Variants in RARB observed in about 807,000 individuals in gnomAD.
RARB encodes HBV-activated protein.
In RARB, 17 loss-of-function variants were observed where a neutral mutation model predicts 51.9. The ratio of observed to expected loss-of-function variants is 0.33; its 90% CI spans 0.22 to 0.49. The LOEUF (loss-of-function observed/expected upper bound fraction) is 0.49. Among genes scored for constraint, RARB ranks in the 20% least tolerant of loss-of-function variants. RARB has a pLI of 0.99. For synonymous variants in RARB, 215 were observed against 195.4 expected (o/e 1.10, Z -0.84); for missense variants, 369 against 550.8 (o/e 0.67, Z 3.30).
At chr3:25,109,752 GCTT>G (rs1341618566) in intron 3 of RARB, among the ~76,000 whole-genome samples, 2 of 152,116 alleles carry the variant, frequency 1.3e-5, no homozygotes, top group Non-Finnish European at 2.9e-5. Context: ...CGTCAGCCAT[GCTT>G]CTTCATTCAG....
intron 2 of RARB, among the ~76,000 whole-genome samples, chr3:24,886,845 T>C (rs1300259664): frequency 6.6e-6 from 1 of 152,214 alleles, no homozygotes; most frequent in Non-Finnish European, 1.5e-5. Flanking sequence ...GGATTCATTT[T>C]AGGTTGCTTT....
intron 5 of RARB, among the ~76,000 whole-genome samples, chr3:25,175,615 A>G (rs1700727684): frequency 6.6e-6 from 1 of 152,204 alleles, no homozygotes; most frequent in African/African-American, 2.4e-5. Flanking sequence ...GCCTTCAAAA[A>G]TAGTAGGGGA....
intron 5 of RARB, among the ~76,000 whole-genome samples, chr3:25,588,306 A>G (rs1348462553): frequency 6.6e-6 from 1 of 152,234 alleles, no homozygotes; most frequent in African/African-American, 2.4e-5. Context: ...AGAACTTGCA[A>G]AACTAACTTG....
At chr3:25,109,801 C>G (rs968507207) in intron 3 of RARB, among the ~76,000 whole-genome samples, 1 of 152,112 alleles carries the variant, frequency 6.6e-6, no homozygotes, top group Non-Finnish European at 1.5e-5. Context: ...GCAGTTGATT[C>G]CAAGTTAGAA....
At chr3:25,135,840 G>A (rs964955303) in intron 4 of RARB, among the ~76,000 whole-genome samples, 1 of 151,806 alleles carries the variant, frequency 6.6e-6, no homozygotes. Context: ...GCTCAACTTA[G>A]GGCAAACTCC....
At chr3:24,967,070 T>C (rs988355595) in intron 2 of RARB, among the ~76,000 whole-genome samples, 5 of 152,192 alleles carry the variant, frequency 3.3e-5, no homozygotes, top group African/African-American at 9.6e-5. Context: ...TAGATACATA[T>C]ACTTCGAAAG....
chr3:25,422,146 C>T (rs1707880430), intron 5 of RARB, among the ~76,000 whole-genome samples: 1 of 152,174 alleles, frequency 6.6e-6, no homozygotes. Flanking sequence ...TCTGTTCATA[C>T]ATATGATCTC....
At chr3:24,932,364 G>C (rs1398474502) in intron 2 of RARB, among the ~76,000 whole-genome samples, 1 of 152,054 alleles carries the variant, frequency 6.6e-6, no homozygotes, top group South Asian at 2.1e-4. Context: ...TGATATGAAT[G>C]GTGTCCCTTA....
intron 3 of RARB, among the ~76,000 whole-genome samples, chr3:25,561,697 T>A (rs916461247): frequency 1.3e-5 from 2 of 152,192 alleles, no homozygotes; most frequent in African/African-American, 4.8e-5. Context: ...AGGAAATGTA[T>A]GATGAAAATG....
chr3:25,132,663 T>C, intron 4 of RARB, among the ~76,000 whole-genome samples: 1 of 151,960 alleles, frequency 6.6e-6, no homozygotes, highest in East Asian at 1.9e-4. Flanking sequence ...AGAGGATTAA[T>C]ACAGCATGGT....
Position 25,011,679 on chromosome 3 carries a change from C to T in RARB, c.-379-48446C>T, listed in dbSNP as rs540921120. ...TCTGTGCATCCATTCACTTACTCCT[C>T]AGCTCTTATCTCATACCTACTCTGG... On this transcript the variant is annotated intron_variant, in intron 2 of 11. Coordinates refer to the RARB transcript ENST00000383772. Among the ~76,000 whole-genome samples the T allele has an allele frequency of 2.6e-5, 4 of 152,216 alleles. No individual in the cohort carries two copies. In the South Asian group the frequency reaches 8.3e-4, roughly 32 times the overall value.
intron 3 of RARB, among the ~76,000 whole-genome samples, chr3:25,075,308 T>C (rs79340411): frequency 6.0e-4 from 91 of 152,270 alleles, no homozygotes; most frequent in Middle Eastern, 6.8e-3. Flanking sequence ...TAATAAAAAT[T>C]GTCCTTCAAT....
intron 2 of RARB, among the ~76,000 whole-genome samples, chr3:25,043,944 T>C (rs182054428): frequency 1.3e-5 from 2 of 152,262 alleles, no homozygotes; most frequent in Non-Finnish European, 2.9e-5. Context: ...ATGGTTTTAA[T>C]AGAAAGCATG....
At chr3:25,173,072 CCATT>C (rs1482478730) in intron 4 of RARB, among the ~76,000 whole-genome samples, 4 of 152,114 alleles carry the variant, frequency 2.6e-5, no homozygotes, top group Non-Finnish European at 5.9e-5. Flanking sequence ...TCAGAGGTTG[CCATT>C]CAGTGGGCAG....
intron 4 of RARB, among the ~76,000 whole-genome samples, chr3:25,167,018 A>G (rs1357215623): frequency 6.6e-6 from 1 of 152,138 alleles, no homozygotes; most frequent in African/African-American, 2.4e-5. Context: ...TCAATTTCAG[A>G]TTGGTGCTGT....
At chr3:25,417,495 A>C (rs1045712798) in intron 5 of RARB, among the ~76,000 whole-genome samples, 1 of 152,170 alleles carries the variant, frequency 6.6e-6, no homozygotes, top group East Asian at 1.9e-4. Context: ...CTGATAGTGA[A>C]TAAGTCTCAC....
chr3:25,303,668 A>G (rs1179558041), intron 5 of RARB, among the ~76,000 whole-genome samples: 1 of 152,196 alleles, frequency 6.6e-6, no homozygotes, highest in Non-Finnish European at 1.5e-5. Context: ...TCTTCCCTCA[A>G]TAAATGTGTT....
At chr3:25,460,654 G>A (rs1244030562) in intron 1 of RARB, among the ~76,000 whole-genome samples, 2 of 151,828 alleles carry the variant, frequency 1.3e-5, no homozygotes, top group East Asian at 3.9e-4. Context: ...CACCATGCTG[G>A]CCAGGCTGGT....
At chr3:24,925,052 T>C (rs141264145) in intron 2 of RARB, among the ~76,000 whole-genome samples, 142 of 152,180 alleles carry the variant, frequency 9.3e-4, no homozygotes, top group Admixed American at 1.8e-3. Context: ...AATGAGCACA[T>C]GGTAACGAAA....
Sources: allele counts gnomAD v4.1 joint callset (sites outside exome capture counted in the v4.1 genomes callset), GRCh38; gene constraint gnomAD v4.1.1; transcripts MANE v1.5; gene names NCBI Gene and HGNC (gene_info 2026-07-23, HGNC 2026-07-21).